Variants in EPG5 observed in about 807,000 individuals in gnomAD.
The protein encoded by EPG5 is ectopic P-granules 5 autophagy tethering factor.
A neutral mutation model predicts 302.7 loss-of-function variants in EPG5; 159 were observed. That is an observed-to-expected ratio of 0.53 (90% confidence interval 0.46 to 0.60). The LOEUF is 0.60. Ranked by LOEUF, EPG5 falls within the 20% of genes least tolerant of loss-of-function variation. The pLI is 0.00. For missense variants in EPG5, 2,896 were observed against 3,092.4 expected, an observed-to-expected ratio of 0.94 and a Z score of 1.51; for synonymous variants, 1,158 against 1,136.8, an observed-to-expected ratio of 1.02 and a Z score of -0.37.
the EPG5 span, chr18:45,842,328 G>A: frequency 5.1e-6 from 4 of 791,866 alleles, no homozygotes; most frequent in Non-Finnish European, 8.2e-6. Flanking sequence ...TCAAGGTCAA[G>A]ACCCTGCTCA....
At chr18:45,931,797 T>G (rs2050402824) in intron 11 of EPG5, among the ~76,000 whole-genome samples, 1 of 152,028 alleles carries the variant, frequency 6.6e-6, no homozygotes, top group Non-Finnish European at 1.5e-5. Flanking sequence ...ATCACACCAC[T>G]GTACTCCCAC....
At chr18:45,877,369 A>C (rs1325973105) in intron 34 of EPG5, among the ~76,000 whole-genome samples, 1 of 152,222 alleles carries the variant, frequency 6.6e-6, no homozygotes, top group Non-Finnish European at 1.5e-5. Flanking sequence ...CAGTGAGCCA[A>C]GATCACGTCA....
At chr18:45,910,967 T>A (rs1277857283) in intron 22 of EPG5, among the ~76,000 whole-genome samples, 2 of 152,024 alleles carry the variant, frequency 1.3e-5, no homozygotes, top group Non-Finnish European at 1.5e-5. Flanking sequence ...ATTTAAGACA[T>A]CACTACTTAG....
intron 12 of EPG5, among the ~76,000 whole-genome samples, chr18:45,930,409 G>A (rs996508620): frequency 1.2e-4 from 18 of 152,144 alleles, no homozygotes; most frequent in Non-Finnish European, 1.8e-4. Context: ...CATAAAAACT[G>A]TGTCAGGCTG....
In EPG5 at chr18:45,882,333, T is replaced by C; in HGVS notation, c.5459A>G (p.Tyr1820Cys). ...PFNLFCKHWT[Y>C]LLLYQFPDQY... is the part of the protein sequence containing the mutation. ...GTCAGGAAACTGGTAGAGAAGAAGATAAGTCCAGTGCTTACAGAAAAGATT... is the reference window on the plus strand; with the variant it reads ...GTCAGGAAACTGGTAGAGAAGAAGACAAGTCCAGTGCTTACAGAAAAGATT... The change falls in exon 31 of 44, where the codon TAT becomes TGT. Residue 1820 changes from tyrosine (Y) to cysteine (C), a missense_variant. Physicochemically the swap from Tyr to Cys is radical, Grantham distance 194 (BLOSUM62 -2). Transcript: ENST00000282041. The C allele has an allele frequency of 3.7e-6, 6 of 1,614,196 alleles. No individual in the cohort carries two copies. The highest frequency in any genetic ancestry group is 5.1e-6 in the Non-Finnish European group (6 of 1,180,030).
intron 6 of EPG5, 150 bp downstream of exon 6, chr18:45,948,353 T>C: frequency 1.5e-6 from 1 of 655,748 alleles, no homozygotes. Flanking sequence ...GAAACAAGTA[T>C]CAAACCCAAA....
the EPG5 span, among the ~76,000 whole-genome samples, chr18:45,806,851 TGGA>T: frequency 6.6e-6 from 1 of 151,996 alleles, no homozygotes; most frequent in Non-Finnish European, 1.5e-5. Flanking sequence ...TTTGAACTGG[TGGA>T]GAACTCTCCT....
chr18:45,937,914 T>C (rs1209839922), intron 10 of EPG5, among the ~76,000 whole-genome samples: 2 of 152,146 alleles, frequency 1.3e-5, no homozygotes, highest in African/African-American at 2.4e-5. Context: ...TTTGTGAAAT[T>C]ATATACACAA....
chr18:45,901,433 G>A (rs1285928367), intron 25 of EPG5, among the ~76,000 whole-genome samples: 1 of 152,152 alleles, frequency 6.6e-6, no homozygotes, highest in Non-Finnish European at 1.5e-5. Flanking sequence ...CTCTATGCAA[G>A]CTTGAATCAG....
intron 11 of EPG5, among the ~76,000 whole-genome samples, chr18:45,931,085 A>G (rs192204886): frequency 5.3e-5 from 8 of 152,360 alleles, no homozygotes; most frequent in Admixed American, 2.0e-4. Context: ...CTGTCTCAAA[A>G]GGTTACTTAA....
chr18:45,927,068 T>C (rs2050288351), intron 13 of EPG5, among the ~76,000 whole-genome samples: 2 of 151,000 alleles, frequency 1.3e-5, no homozygotes, highest in African/African-American at 2.4e-5. Flanking sequence ...AGTCTCTATC[T>C]GTAGCCCAGG....
At chr18:45,881,978 C>T (rs1273978721) in intron 31 of EPG5, among the ~76,000 whole-genome samples, 2 of 152,218 alleles carry the variant, frequency 1.3e-5, no homozygotes, top group African/African-American at 4.8e-5. Flanking sequence ...CACCCCACTT[C>T]AAGACAGCTG....
rs1279104058 is a variant in EPG5, at chr18:45,967,174, C to T, written c.63+3G>A. 3 of 1,598,470 alleles carry T rather than the reference C, an allele frequency of 1.9e-6. No individual in the cohort carries two copies. Among genetic ancestry groups the T allele is most frequent in the African/African-American group, 1.3e-5 (1 of 74,656 alleles). ...GCCTCGGGAGGGTGGGGGAGATCCT[C>T]ACCTTTGTTTTAGTCCGGCTGGCCT... On this transcript the variant is annotated splice_donor_region_variant and intron_variant, in intron 1 of 43. Transcript: ENST00000282041.
At chr18:45,907,801 T>C in intron 24 of EPG5, 157 bp downstream of exon 24, 1 of 668,768 alleles carries the variant, frequency 1.5e-6, no homozygotes, top group South Asian at 2.8e-5. Flanking sequence ...TCCCTCCATA[T>C]AATCACTTAG....
At chr18:45,945,886 T>C (rs991224074) in intron 7 of EPG5, among the ~76,000 whole-genome samples, 7 of 152,136 alleles carry the variant, frequency 4.6e-5, no homozygotes. Context: ...CTCTGGGAAA[T>C]ACACAGACAC....
chr18:45,903,662 G>T (rs2049677879), intron 25 of EPG5, among the ~76,000 whole-genome samples: 1 of 152,120 alleles, frequency 6.6e-6, no homozygotes, highest in Admixed American at 6.5e-5. Context: ...TGTTTCTCTA[G>T]AAAAATGTAC....
At chr18:45,953,395 T>C (rs752655677) in intron 2 of EPG5, 28 of 985,252 alleles carry the variant, frequency 2.8e-5, no homozygotes, top group Non-Finnish European at 3.3e-5. Context: ...CTTGATTCTA[T>C]CCTCTCTTCT....
At chr18:45,963,359 A>G (rs574812249) in intron 1 of EPG5, among the ~76,000 whole-genome samples, 5 of 152,322 alleles carry the variant, frequency 3.3e-5, no homozygotes, top group Admixed American at 1.3e-4. Flanking sequence ...CTGAAGCAGG[A>G]AAGAATATAA....
chr18:45,827,287 C>T, the EPG5 span, among the ~76,000 whole-genome samples: 1 of 152,140 alleles, frequency 6.6e-6, no homozygotes, highest in African/African-American at 2.4e-5. Context: ...AGGGGCTCAA[C>T]AAGTGGCAGG....
Sources: allele counts gnomAD v4.1 joint callset (sites outside exome capture counted in the v4.1 genomes callset), GRCh38; gene constraint gnomAD v4.1.1; transcripts MANE v1.5; gene names NCBI Gene and HGNC (gene_info 2026-07-23, HGNC 2026-07-21).